ADCY9: variants seen among roughly 807,000 people sequenced by gnomAD.
ADCY9 encodes the protein adenylate cyclase 9, also known as adenylate cyclase type 9.
Under a neutral mutation model 101.5 loss-of-function variants are expected in ADCY9, and 50 were observed. That is an observed-to-expected ratio of 0.49 (90% CI 0.39 to 0.62). ADCY9 has a LOEUF of 0.62. Among genes scored for constraint, ADCY9 ranks in the 20% least tolerant of loss-of-function variants. The pLI is 0.00. For missense variants in ADCY9, 1,662 were observed against 1,800.4 expected, an observed-to-expected ratio of 0.92 and a Z score of 1.39; for synonymous variants, 905 against 769.3, an observed-to-expected ratio of 1.18 and a Z score of -2.92.
chr16:4,055,540 G>GAA (rs539973548), intron 2 of ADCY9, among the ~76,000 whole-genome samples: 1 of 136,120 alleles, frequency 7.3e-6, no homozygotes, highest in Non-Finnish European at 1.6e-5. Flanking sequence ...TCTCAAAAAG[G>GAA]AAAAAAAAAA....
chr16:4,018,899 G>A (rs968464708), intron 2 of ADCY9, among the ~76,000 whole-genome samples: 1 of 146,458 alleles, frequency 6.8e-6, no homozygotes, highest in African/African-American at 2.5e-5. Flanking sequence ...GAAATACTAT[G>A]GACTATGTAT....
chr16:3,983,426 G>T lies in ADCY9; in HGVS notation c.2325C>A (p.Ser775=). ...TSYQEEVIKN[S]PVKTFASPTF... ...TGGGACTAGCAAACGTCTTCACGGG[G>T]GAGTTCTTTATGACCTGTGTGGAGC... Residue 775 remains serine, a synonymous_variant, in exon 7 of 11, where the codon TCC becomes TCA. Coordinates refer to ENST00000294016, the MANE Select transcript of ADCY9 (RefSeq NM_001116.4). 1 of 1,605,064 alleles carries T rather than the reference G, an allele frequency of 6.2e-7. No individual in the cohort carries two copies. The highest frequency in any genetic ancestry group is 2.2e-5 in the East Asian group (1 of 44,544).
At position 4,035,928 on chromosome 16, in the gene ADCY9, G is replaced by A. The variant is rs188726142; in HGVS notation, c.1694-28370C>T. Among the ~76,000 whole-genome samples, 3 of 150,210 alleles carry A rather than the reference G, an allele frequency of 2.0e-5. No individual in the cohort carries two copies. In the East Asian group the frequency reaches 5.8e-4, roughly 29 times the overall value. On this transcript the variant is annotated intron_variant, in intron 2 of 10. Coordinates refer to ENST00000294016, the MANE Select transcript of ADCY9 (RefSeq NM_001116.4). ...GGTGGAGAATCACTTGAACCCGGAAGGCGGAGGTTGTGGTGAGCCCAAATC... is the reference window on the plus strand; with the variant it reads ...GGTGGAGAATCACTTGAACCCGGAAAGCGGAGGTTGTGGTGAGCCCAAATC...
Position 4,059,664 on chromosome 16 carries a change from G to A in ADCY9, c.1694-52106C>T, listed in dbSNP as rs990693928. ...TGCAATTGTAGCACTTTGGGAGGCC[G>A]AGGCAGGAGGATTGCTTGAGGCTGG... On this transcript the variant is annotated intron_variant, in intron 2 of 10. Transcript: ENST00000294016. Among the ~76,000 whole-genome samples the A allele has an allele frequency of 1.8e-4, 28 of 152,208 alleles. 3 individuals carry two copies. The highest frequency in any genetic ancestry group is 1.4e-3 in the Admixed American group (22 of 15,292).
At chr16:4,012,475 CAAAA>C (rs35681254) in intron 2 of ADCY9, among the ~76,000 whole-genome samples, 2 of 139,008 alleles carry the variant, frequency 1.4e-5, no homozygotes, top group African/African-American at 5.4e-5. Context: ...GCAGAAGGTC[CAAAA>C]AAAAAAAAAA....
chr16:4,024,413 C>T (rs1195261580), intron 2 of ADCY9, among the ~76,000 whole-genome samples: 2 of 152,226 alleles, frequency 1.3e-5, no homozygotes, highest in Non-Finnish European at 2.9e-5. Context: ...CCTCGCTCCA[C>T]TTCTCCTAAC....
intron 8 of ADCY9, among the ~76,000 whole-genome samples, chr16:3,978,252 G>GTGATCA (rs1328452547): frequency 6.6e-6 from 1 of 152,170 alleles, no homozygotes; most frequent in Non-Finnish European, 1.5e-5. Flanking sequence ...GAAACGCTGT[G>GTGATCA]TGATCAGTTT....
rs1002300913 is a variant in ADCY9, at chr16:4,109,321, G to T, written c.1693+4429C>A. On this transcript the variant is annotated intron_variant, in intron 2 of 10. Coordinates refer to ENST00000294016, the MANE Select transcript of ADCY9 (RefSeq NM_001116.4). Reference sequence around the variant, plus strand: ...CACGGCTCTCTGCAACCTCGACCTCGTGGGCTCCAGCGATCCTCCTATATT... The same window carrying T: ...CACGGCTCTCTGCAACCTCGACCTCTTGGGCTCCAGCGATCCTCCTATATT... 2.8e-4 allele frequency among the ~76,000 whole-genome samples: 42 copies of T among 152,078 alleles called. 1 individual carries two copies. The highest frequency in any genetic ancestry group is 4.4e-5 in the Non-Finnish European group (3 of 68,034).
At chr16:3,955,948 C>A (rs1293269622) in intron 5 of ADCY9, among the ~76,000 whole-genome samples, 1 of 152,112 alleles carries the variant, frequency 6.6e-6, no homozygotes, top group African/African-American at 2.4e-5. Flanking sequence ...ACTGCAGCTT[C>A]ACCTCCTGCG....
chr16:3,997,937 T>G (rs942818168), intron 3 of ADCY9, among the ~76,000 whole-genome samples: 3 of 151,934 alleles, frequency 2.0e-5, no homozygotes, highest in African/African-American at 7.3e-5. Context: ...CTATTAAAAA[T>G]ACAAAAATTA....
At chr16:3,978,672 C>T (rs1165796898) in intron 8 of ADCY9, among the ~76,000 whole-genome samples, 2 of 152,210 alleles carry the variant, frequency 1.3e-5, no homozygotes, top group African/African-American at 2.4e-5. Flanking sequence ...AAAGCTGGCT[C>T]AGGAGAGTAA....
intron 2 of ADCY9, among the ~76,000 whole-genome samples, chr16:4,031,115 A>G (rs369536275): frequency 2.6e-5 from 4 of 152,322 alleles, no homozygotes; most frequent in African/African-American, 9.6e-5. Flanking sequence ...ACACCATAAA[A>G]GCTCTAAAGG....
At chr16:4,021,607 C>T (rs552749690) in intron 2 of ADCY9, among the ~76,000 whole-genome samples, 28 of 152,240 alleles carry the variant, frequency 1.8e-4, no homozygotes, top group Non-Finnish European at 3.5e-4. Context: ...TGCTTCTGGG[C>T]TCCACCAGCA....
chr16:3,993,588 G>T, intron 3 of ADCY9, 78 bp from the exon 4 acceptor site: 1 of 1,550,988 alleles, frequency 6.4e-7, no homozygotes. Flanking sequence ...GTCCGCTGTT[G>T]CCATCTGCCG....
intron 2 of ADCY9, among the ~76,000 whole-genome samples, chr16:4,047,359 A>G (rs1385375308): frequency 6.6e-6 from 1 of 152,148 alleles, no homozygotes; most frequent in Non-Finnish European, 1.5e-5. Flanking sequence ...CATCTAAACT[A>G]CAAATTATCT....
At chr16:4,092,584 T>C (rs905499701) in intron 2 of ADCY9, among the ~76,000 whole-genome samples, 3 of 152,244 alleles carry the variant, frequency 2.0e-5, no homozygotes, top group African/African-American at 7.2e-5. Context: ...AATGCCCTTT[T>C]GGTCTTATGG....
At chr16:4,069,696 C>T (rs1567136273) in intron 2 of ADCY9, among the ~76,000 whole-genome samples, 2 of 152,054 alleles carry the variant, frequency 1.3e-5, no homozygotes, top group Admixed American at 1.3e-4. Flanking sequence ...GGCGACTCTC[C>T]CAGGATTCGG....
Position 3,977,535 on chromosome 16 carries a change from G to C in ADCY9, c.2775C>G (p.Thr925=), listed in dbSNP as rs74003485. The change falls in exon 9 of 11, where the codon ACC becomes ACG. Residue 925 remains threonine, a synonymous_variant. Transcript: ENST00000294016. Reference sequence around the variant, plus strand: ...GGAGCAGCGGCCCGGCCCCCACGACGGTGGCGAGGGAGGACCTCATCCAGG... The same window carrying C: ...GGAGCAGCGGCCCGGCCCCCACGACCGTGGCGAGGGAGGACCTCATCCAGG... ...LSSWMRSSLA[T]VVGAGPLLLL... is the part of the protein sequence containing the mutation. The C allele has an allele frequency of 8.1e-5, 130 of 1,600,426 alleles. No homozygotes were observed. The African/African-American group carries it at 1.6e-3, about 20-fold the overall frequency.
chr16:4,076,057 C>T (rs567168322), intron 2 of ADCY9, among the ~76,000 whole-genome samples: 109 of 152,138 alleles, frequency 7.2e-4, no homozygotes, highest in African/African-American at 1.2e-3. Flanking sequence ...AGCTGGGTGG[C>T]GTAGCACATG....
Sources: gnomAD v4.1 joint callset for allele counts (sites outside exome capture counted in the v4.1 genomes callset) on GRCh38, gnomAD v4.1.1 for gene constraint, MANE v1.5 for transcripts, NCBI Gene and HGNC (gene_info 2026-07-23, HGNC 2026-07-21) for gene names.